The following MALRD1 variants were observed in gnomAD, a reference collection of about 807,000 sequenced individuals.
MALRD1 encodes the protein MAM and LDL receptor class A domain containing 1.
Under a neutral mutation model 242.1 loss-of-function variants are expected in MALRD1, and 247 were observed. The observed-to-expected ratio is 1.02, with a 90% CI of 0.92 to 1.13. MALRD1 has a LOEUF of 1.13. Among genes scored for constraint, MALRD1 ranks in the 50% most tolerant of loss-of-function variants. The pLI, the probability that MALRD1 is intolerant of heterozygous loss-of-function variation, is 0.00. For missense variants in MALRD1, 2,989 were observed against 2,533.1 expected (o/e 1.18, Z -3.86); for synonymous variants, 995 against 866.6 (o/e 1.15, Z -2.60).
chr10:19,171,449 T>TACAC (rs1456370824), intron 13 of MALRD1, among the ~76,000 whole-genome samples: 1 of 133,294 alleles, frequency 7.5e-6, no homozygotes, highest in Non-Finnish European at 1.6e-5. Context: ...TATATATATA[T>TACAC]ATATATATAC....
chr10:19,141,411 G>A (rs1833539504), intron 10 of MALRD1, among the ~76,000 whole-genome samples: 1 of 152,104 alleles, frequency 6.6e-6, no homozygotes. Context: ...GCTTAATGGG[G>A]GTGGAGATTC....
At chr10:19,149,866 C>T (rs1833877363) in intron 11 of MALRD1, among the ~76,000 whole-genome samples, 1 of 152,196 alleles carries the variant, frequency 6.6e-6, no homozygotes, top group South Asian at 2.1e-4. Context: ...CCACCACTGA[C>T]ATCAATGATC....
At chr10:19,490,096 A>G (rs965876538) in intron 29 of MALRD1, among the ~76,000 whole-genome samples, 3 of 152,200 alleles carry the variant, frequency 2.0e-5, no homozygotes, top group Non-Finnish European at 4.4e-5. Flanking sequence ...ATCACTTTAA[A>G]AAAGAATTAC....
chr10:19,203,771 A>G lies in MALRD1; in HGVS notation c.1995A>G (p.Glu665=), dbSNP rs773461147. The G allele has an allele frequency of 1.8e-4, 279 of 1,549,772 alleles. No homozygotes were observed. Among genetic ancestry groups the G allele is most frequent in the Non-Finnish European group, 2.3e-4 (267 of 1,146,398 alleles). ...DFEANSCDWF[E]AISGDHFDWI... ...AAGCAAACAGCTGTGATTGGTTTGAAGCAATTAGTGGTGACCATTTTGACT... is the reference window on the plus strand; with the variant it reads ...AAGCAAACAGCTGTGATTGGTTTGAGGCAATTAGTGGTGACCATTTTGACT... Residue 665 remains glutamate (E), a synonymous_variant, in exon 15 of 40, where the codon GAA becomes GAG. Transcript: ENST00000454679.
intron 28 of MALRD1, among the ~76,000 whole-genome samples, chr10:19,448,710 A>T (rs561510961): frequency 1.9e-4 from 29 of 152,202 alleles, no homozygotes; most frequent in African/African-American, 5.8e-4. Context: ...ATGTTTACAT[A>T]AGATTTTTAG....
chr10:19,734,227 A>T lies in MALRD1; in HGVS notation c.6461A>T (p.His2154Leu). ...TSGSLETLSHHLK is the reference protein window; with the variant it reads ...TSGSLETLSHLLK ...GGAAGCCTGGAGACCCTGTCACATCATCTCAAATAGCAGCATCGAGACCAA... is the reference window on the plus strand; with the variant it reads ...GGAAGCCTGGAGACCCTGTCACATCTTCTCAAATAGCAGCATCGAGACCAA... Residue 2154 changes from histidine (H) to leucine (L), a missense_variant, in exon 40 of 40, where the codon CAT (histidine) becomes CTT (leucine). By Grantham distance (99) the His-to-Leu change is moderately conservative. Coordinates refer to ENST00000454679, the MANE Select transcript of MALRD1 (RefSeq NM_001142308.3). The T allele has an allele frequency of 6.5e-7, 1 of 1,535,672 alleles. No individual in the cohort carries two copies. The highest frequency in any genetic ancestry group is 8.7e-7 in the Non-Finnish European group (1 of 1,146,432).
intron 36 of MALRD1, among the ~76,000 whole-genome samples, chr10:19,654,426 A>T (rs554567462): frequency 1.3e-5 from 2 of 152,302 alleles, no homozygotes; most frequent in South Asian, 2.1e-4. Context: ...GCAAGCATCA[A>T]TGGAAACAAA....
intron 21 of MALRD1, among the ~76,000 whole-genome samples, chr10:19,304,986 A>T (rs1842102901): frequency 6.6e-6 from 1 of 151,854 alleles, no homozygotes; most frequent in South Asian, 2.1e-4. Flanking sequence ...TTGACAAAGC[A>T]TCCCCAATCA....
chr10:19,227,239 C>T (rs1564481623), intron 18 of MALRD1, among the ~76,000 whole-genome samples: 2 of 151,706 alleles, frequency 1.3e-5, no homozygotes, highest in Non-Finnish European at 2.9e-5. Context: ...AATTTCAAGA[C>T]ATATTGTAAA....
chr10:19,049,169 T>C, intron 1 of MALRD1, 32 bp downstream of exon 1: 1 of 1,232,572 alleles, frequency 8.1e-7, no homozygotes, highest in Admixed American at 4.2e-5. Flanking sequence ...CCAATTTCAA[T>C]TCCCCGTACA....
At chr10:19,515,071 T>C (rs1159720091) in intron 31 of MALRD1, among the ~76,000 whole-genome samples, 1 of 145,708 alleles carries the variant, frequency 6.9e-6, no homozygotes, top group Non-Finnish European at 1.5e-5. Flanking sequence ...CCATTTCTTA[T>C]GCTTTAGGAC....
chr10:19,152,604 ATTT>A (rs1326075920), intron 11 of MALRD1, among the ~76,000 whole-genome samples: 1 of 152,134 alleles, frequency 6.6e-6, no homozygotes, highest in Non-Finnish European at 1.5e-5. Flanking sequence ...GGAGTTGGAC[ATTT>A]CTTGCTGTTT....
intron 28 of MALRD1, among the ~76,000 whole-genome samples, chr10:19,396,571 T>C (rs751419144): frequency 3.4e-4 from 52 of 152,242 alleles, no homozygotes; most frequent in Non-Finnish European, 5.7e-4. Flanking sequence ...ATAAAAATTA[T>C]GTTGAATAAT....
At chr10:19,590,372 A>G (rs1264100126) in intron 33 of MALRD1, among the ~76,000 whole-genome samples, 8 of 147,978 alleles carry the variant, frequency 5.4e-5, no homozygotes, top group Non-Finnish European at 4.5e-5. Flanking sequence ...ATATGTCTAT[A>G]TACATATTTT....
Position 19,352,037 on chromosome 10 carries a change from G to A in MALRD1, c.4181G>A (p.Gly1394Asp), listed in dbSNP as rs138930604. The A allele has an allele frequency of 2.8e-4, 440 of 1,549,900 alleles. 2 individuals carry two copies. Among genetic ancestry groups the A allele is most frequent in the Non-Finnish European group, 3.2e-4 (370 of 1,146,470 alleles). ...IIFHYHMYGN[G>D]IGALTLMQVS... ...TTTCATTATCACATGTATGGAAATG[G>A]CATTGGGGCACTCACCTTAATGCAG... The change falls in exon 26 of 40, where the codon GGC becomes GAC. Residue 1394 changes from glycine to aspartate, a missense_variant. Transcript: ENST00000454679.
At chr10:19,621,159 T>G (rs963098877) in intron 36 of MALRD1, among the ~76,000 whole-genome samples, 24 of 151,448 alleles carry the variant, frequency 1.6e-4, no homozygotes, top group Non-Finnish European at 3.4e-4. Flanking sequence ...TAAAATTCAG[T>G]TAGAACACTT....
chr10:19,592,949 A>T (rs1360922054), intron 33 of MALRD1, among the ~76,000 whole-genome samples: 1 of 151,316 alleles, frequency 6.6e-6, no homozygotes, highest in East Asian at 2.2e-4. Context: ...GAATTTGCTA[A>T]ATCTTTTCAA....
intron 10 of MALRD1, 38 bp from the exon 11 acceptor site, chr10:19,146,160 C>A (rs963844989): frequency 8.1e-7 from 1 of 1,230,852 alleles, no homozygotes; most frequent in Non-Finnish European, 1.0e-6. Flanking sequence ...GCATGCTCTT[C>A]ATTTCTCCTC....
At chr10:19,625,967 C>G (rs10508588) in intron 36 of MALRD1, among the ~76,000 whole-genome samples, 7,616 of 151,954 alleles carry the variant, frequency 0.05, 242 homozygotes, top group Middle Eastern at 0.095. Context: ...AACAAAAATC[C>G]TCATAATAAC....
Sources: gnomAD v4.1 joint callset for allele counts (sites outside exome capture counted in the v4.1 genomes callset) on GRCh38, gnomAD v4.1.1 for gene constraint, MANE v1.5 for transcripts, NCBI Gene and HGNC (gene_info 2026-07-23, HGNC 2026-07-21) for gene names.